Variants in SPOCK1 observed in about 807,000 individuals in gnomAD.
The protein encoded by SPOCK1 is testican-1.
In SPOCK1, 23 loss-of-function variants were observed where a neutral mutation model predicts 55.3. That is an observed-to-expected ratio of 0.42 (90% CI 0.30 to 0.59). SPOCK1 has a LOEUF of 0.59. Among genes scored for constraint, SPOCK1 ranks in the 20% least tolerant of loss-of-function variants. The pLI, the probability that SPOCK1 is intolerant of heterozygous loss-of-function variation, is 0.22. For missense variants in SPOCK1, 499 were observed against 552.5 expected (o/e 0.90, Z 0.97); for synonymous variants, 226 against 221.0 (o/e 1.02, Z -0.20).
At chr5:137,284,471 G>C (rs888042270) in intron 2 of SPOCK1, among the ~76,000 whole-genome samples, 10 of 152,164 alleles carry the variant, frequency 6.6e-5, no homozygotes, top group African/African-American at 2.4e-4. Context: ...AAACATGAGT[G>C]AACACAGGAT....
intron 2 of SPOCK1, among the ~76,000 whole-genome samples, chr5:137,430,740 TTAAGGAAAAA>T (rs1752726481): frequency 6.6e-6 from 1 of 152,178 alleles, no homozygotes; most frequent in East Asian, 1.9e-4. Flanking sequence ...AGAATTCTAA[TTAAGGAAAAA>T]TAAACCCTGG....
intron 2 of SPOCK1, among the ~76,000 whole-genome samples, chr5:137,448,093 C>T (rs978196661): frequency 2.6e-5 from 4 of 152,024 alleles, no homozygotes; most frequent in Non-Finnish European, 5.9e-5. Flanking sequence ...ACTAAAAATA[C>T]AAAAATTAGC....
intron 4 of SPOCK1, among the ~76,000 whole-genome samples, chr5:137,127,548 G>A (rs1232138889): frequency 1.3e-5 from 2 of 152,262 alleles, no homozygotes; most frequent in African/African-American, 4.8e-5. Context: ...AGTGGGTCTG[G>A]AAGGGAGTAG....
intron 2 of SPOCK1, among the ~76,000 whole-genome samples, chr5:137,331,698 T>G (rs1360124314): frequency 6.6e-6 from 1 of 151,864 alleles, no homozygotes; most frequent in Non-Finnish European, 1.5e-5. Flanking sequence ...CAGGTCTTGG[T>G]GAACTAACAG....
intron 5 of SPOCK1, among the ~76,000 whole-genome samples, chr5:137,107,753 G>A (rs116486297): frequency 6.6e-6 from 1 of 152,134 alleles, no homozygotes. Flanking sequence ...CTTGTTTGAT[G>A]AAACCCAAGG....
chr5:137,120,768 C>A (rs1753670049), intron 4 of SPOCK1, among the ~76,000 whole-genome samples: 1 of 152,194 alleles, frequency 6.6e-6, no homozygotes, highest in Non-Finnish European at 1.5e-5. Context: ...AAAGGAAATG[C>A]ATTTTCAAAA....
intron 2 of SPOCK1, among the ~76,000 whole-genome samples, chr5:137,306,727 G>A (rs1310936988): frequency 3.3e-5 from 5 of 150,120 alleles, no homozygotes; most frequent in African/African-American, 4.9e-5. Context: ...TTTCAGACCC[G>A]ACCATGTTTG....
chr5:137,165,988 A>G (rs1050677992), intron 3 of SPOCK1, among the ~76,000 whole-genome samples: 1 of 152,166 alleles, frequency 6.6e-6, no homozygotes, highest in African/African-American at 2.4e-5. Flanking sequence ...AGATAGGGGT[A>G]GAAAGTTCAT....
Position 137,480,276 on chromosome 5 carries a change from A to G in SPOCK1, c.186+18097T>C, listed in dbSNP as rs536322747. ...CATGTGTTTATGACTGGTCTTAGAA[A>G]GCTGCAGCTGTTCACGTTGCTCTCC... is the stretch of plus-strand genomic sequence containing the variant. On this transcript the variant is annotated intron_variant, in intron 2 of 10. Coordinates refer to ENST00000394945, the MANE Select transcript of SPOCK1 (RefSeq NM_004598.4). Among the ~76,000 whole-genome samples the G allele has an allele frequency of 3.4e-4, 51 of 151,426 alleles. No individual in the cohort carries two copies. The South Asian group carries it at 0.011, about 31-fold the overall frequency.
intron 6 of SPOCK1, among the ~76,000 whole-genome samples, chr5:137,000,259 C>T (rs6863244): frequency 0.56 from 84,409 of 151,956 alleles, 23,767 homozygotes; most frequent in East Asian, 0.78. Context: ...CCTGGATCAA[C>T]GTGCTCAGAG....
intron 4 of SPOCK1, among the ~76,000 whole-genome samples, chr5:137,131,951 G>A (rs1292371633): frequency 2.8e-4 from 22 of 78,134 alleles, no homozygotes; most frequent in South Asian, 8.4e-4. Context: ...CAGCCTGGGC[G>A]ACAGAGCGAG....
chr5:137,309,852 C>A (rs1441630309), intron 2 of SPOCK1, among the ~76,000 whole-genome samples: 9 of 151,804 alleles, frequency 5.9e-5, no homozygotes, highest in Admixed American at 3.3e-4. Context: ...CAGTGAGTAC[C>A]CCCCATTCAA....
intron 6 of SPOCK1, among the ~76,000 whole-genome samples, chr5:137,015,553 A>G (rs1251089455): frequency 2.0e-5 from 3 of 152,180 alleles, no homozygotes; most frequent in Admixed American, 1.3e-4. Context: ...TCCTTCCCCA[A>G]ATAGGAGCCT....
At chr5:137,111,722 T>C (rs1227399629) in intron 5 of SPOCK1, among the ~76,000 whole-genome samples, 12 of 152,132 alleles carry the variant, frequency 7.9e-5, no homozygotes, top group Non-Finnish European at 4.4e-5. Context: ...TGCCTGTAAA[T>C]CCTATTATTA....
intron 3 of SPOCK1, among the ~76,000 whole-genome samples, chr5:137,263,807 C>G (rs571576970): frequency 4.1e-4 from 63 of 152,178 alleles, no homozygotes; most frequent in African/African-American, 1.4e-3. Flanking sequence ...AAGTTGATGG[C>G]CATTATACTC....
At chr5:137,231,048 CT>C (rs11367897) in intron 3 of SPOCK1, among the ~76,000 whole-genome samples, 58,723 of 148,044 alleles carry the variant, frequency 0.4, 12,384 homozygotes, top group Non-Finnish European at 0.47. Context: ...GTGTTACCCC[CT>C]TTTTTTTTTT....
intron 6 of SPOCK1, among the ~76,000 whole-genome samples, chr5:137,051,270 C>T (rs375412378): frequency 1.3e-5 from 2 of 152,142 alleles, no homozygotes; most frequent in South Asian, 2.1e-4. Context: ...TTGCAATCTA[C>T]GAATGGGTCC....
intron 3 of SPOCK1, among the ~76,000 whole-genome samples, chr5:137,263,090 C>T (rs1276165907): frequency 1.3e-5 from 2 of 152,188 alleles, no homozygotes; most frequent in Non-Finnish European, 2.9e-5. Context: ...TGACTCCAAA[C>T]CCTAAGACCC....
intron 4 of SPOCK1, among the ~76,000 whole-genome samples, chr5:137,123,135 A>G (rs2127039202): frequency 6.6e-6 from 1 of 152,350 alleles, no homozygotes; most frequent in South Asian, 2.1e-4. Context: ...GGAGGCTGGT[A>G]CAGCCAGATC....
Sources: gnomAD v4.1 joint callset for allele counts (sites outside exome capture counted in the v4.1 genomes callset) on GRCh38, gnomAD v4.1.1 for gene constraint, MANE v1.5 for transcripts, NCBI Gene and HGNC (gene_info 2026-07-23, HGNC 2026-07-21) for gene names.